EYS: variants seen among roughly 807,000 people sequenced by gnomAD.
The protein encoded by EYS is EGF-like photoreceptor maintenance factor.
Under a neutral mutation model 282.1 loss-of-function variants are expected in EYS, and 250 were observed. The ratio of observed to expected loss-of-function variants is 0.89; its 90% CI spans 0.80 to 0.98. The LOEUF is 0.98. Among genes scored for constraint, EYS ranks in the 50% least tolerant of loss-of-function variants. The pLI is 0.00. For synonymous variants in EYS, 1,355 were observed against 1,282.9 expected, an observed-to-expected ratio of 1.06 and a Z score of -1.20; for missense variants, 4,016 against 3,709.0, an observed-to-expected ratio of 1.08 and a Z score of -2.15.
At chr6:64,604,090 G>A (rs1422812246) in intron 24 of EYS, among the ~76,000 whole-genome samples, 8 of 151,394 alleles carry the variant, frequency 5.3e-5, no homozygotes, top group South Asian at 2.1e-4. Flanking sequence ...TATGTGCTTC[G>A]CTCTCTGTAT....
Position 65,495,458 on chromosome 6 carries a change from A to G in EYS, c.-48T>C, listed in dbSNP as rs766102190. 1.3e-6 allele frequency: 2 copies of G among 1,591,758 alleles called. No homozygotes were observed. The highest frequency in any genetic ancestry group is 4.5e-5 in the East Asian group (2 of 44,740). On this transcript the variant is annotated 5_prime_UTR_variant, in exon 4 of 43. Transcript: ENST00000503581. ...GTTTATCATAAAGAATTGCTGCAAA[A>G]TGGTGTTTTAAGTATTACCGGAAAT...
At chr6:64,237,594 C>G (rs886235094) in intron 30 of EYS, among the ~76,000 whole-genome samples, 1 of 151,960 alleles carries the variant, frequency 6.6e-6, no homozygotes, top group African/African-American at 2.4e-5. Context: ...AGGAATAAAT[C>G]CAGAAAATAA....
intron 29 of EYS, among the ~76,000 whole-genome samples, chr6:64,333,612 G>T (rs1306897646): frequency 4.6e-5 from 7 of 152,116 alleles, no homozygotes; most frequent in Admixed American, 3.3e-4. Context: ...TGCCTTTCTG[G>T]ACTAAAATGG....
intron 30 of EYS, among the ~76,000 whole-genome samples, chr6:64,241,591 AT>A (rs1284395486): frequency 6.8e-6 from 1 of 147,244 alleles, no homozygotes; most frequent in East Asian, 1.9e-4. Flanking sequence ...TTTTTATTGT[AT>A]CTATCTATTT....
chr6:63,762,711 A>G, intron 40 of EYS, 78 bp from the exon 41 acceptor site: 1 of 1,323,930 alleles, frequency 7.6e-7, no homozygotes, highest in East Asian at 2.6e-5. Flanking sequence ...CCTGATGCTA[A>G]CTTGTCAATT....
At chr6:65,641,619 A>G (rs1002344127) in intron 1 of EYS, among the ~76,000 whole-genome samples, 3 of 152,230 alleles carry the variant, frequency 2.0e-5, no homozygotes, top group Non-Finnish European at 1.5e-5. Flanking sequence ...TAGTGCTCAC[A>G]TGGTTGAACT....
chr6:64,375,362 T>C (rs1005377305), intron 29 of EYS, among the ~76,000 whole-genome samples: 1 of 152,224 alleles, frequency 6.6e-6, no homozygotes, highest in Non-Finnish European at 1.5e-5. Context: ...CAGAATGTCA[T>C]ATGTTAGCCT....
At chr6:65,577,742 G>A in intron 2 of EYS, among the ~76,000 whole-genome samples, 1 of 102,010 alleles carries the variant, frequency 9.8e-6, no homozygotes, top group African/African-American at 3.7e-5. Flanking sequence ...AATAATAAAA[G>A]CCTGTTTTAA....
intron 31 of EYS, among the ~76,000 whole-genome samples, chr6:64,131,707 A>G (rs1773985973): frequency 6.6e-6 from 1 of 152,206 alleles, no homozygotes; most frequent in Non-Finnish European, 1.5e-5. Flanking sequence ...GTAGTCGCTT[A>G]CATTCAGTGC....
intron 40 of EYS, among the ~76,000 whole-genome samples, chr6:63,764,315 GACAA>G (rs1049640838): frequency 2.0e-4 from 30 of 151,794 alleles, no homozygotes; most frequent in African/African-American, 6.8e-4. Flanking sequence ...CTAAAATGGA[GACAA>G]ACAAAATACA....
At chr6:64,344,755 A>T (rs1316623756) in intron 29 of EYS, among the ~76,000 whole-genome samples, 4 of 152,116 alleles carry the variant, frequency 2.6e-5, no homozygotes, top group African/African-American at 9.7e-5. Flanking sequence ...GAGGAAGTCA[A>T]ATTGTCCCTA....
chr6:65,222,386 A>T (rs1302885345), intron 12 of EYS, among the ~76,000 whole-genome samples: 1 of 152,084 alleles, frequency 6.6e-6, no homozygotes, highest in Non-Finnish European at 1.5e-5. Flanking sequence ...ATGAGAACTG[A>T]TGGTTTTATA....
chr6:65,499,296 A>T (rs967608537), intron 2 of EYS, among the ~76,000 whole-genome samples: 1 of 152,070 alleles, frequency 6.6e-6, no homozygotes, highest in Non-Finnish European at 1.5e-5. Flanking sequence ...AAGCCAAAAA[A>T]TAATTTGAAT....
chr6:64,175,982 T>C (rs543821827), intron 31 of EYS, among the ~76,000 whole-genome samples: 23 of 152,134 alleles, frequency 1.5e-4, no homozygotes, highest in Non-Finnish European at 3.2e-4. Flanking sequence ...TGGGAACAAT[T>C]GAGCAGGTAA....
At chr6:65,564,087 G>A (rs1769170970) in intron 2 of EYS, among the ~76,000 whole-genome samples, 1 of 152,028 alleles carries the variant, frequency 6.6e-6, no homozygotes, top group Non-Finnish European at 1.5e-5. Flanking sequence ...ACCGCTTCAG[G>A]GAGAACTACA....
intron 22 of EYS, among the ~76,000 whole-genome samples, chr6:64,644,055 A>G (rs1278331879): frequency 6.6e-5 from 10 of 152,190 alleles, no homozygotes; most frequent in Non-Finnish European, 1.2e-4. Context: ...AGTGGTATCA[A>G]TTAAGTTTTC....
At chr6:64,895,665 T>C (rs935976469) in intron 18 of EYS, among the ~76,000 whole-genome samples, 1 of 152,202 alleles carries the variant, frequency 6.6e-6, no homozygotes, top group Non-Finnish European at 1.5e-5. Flanking sequence ...AAACGTGATC[T>C]GCAACCAAGA....
chr6:64,073,646 A>G (rs1771667512), intron 32 of EYS, among the ~76,000 whole-genome samples: 1 of 151,840 alleles, frequency 6.6e-6, no homozygotes, highest in African/African-American at 2.4e-5. Flanking sequence ...ATTCTTAGAT[A>G]AATGTATGTA....
intron 7 of EYS, among the ~76,000 whole-genome samples, chr6:65,392,725 G>C (rs1251511475): frequency 6.6e-6 from 1 of 151,742 alleles, no homozygotes; most frequent in East Asian, 1.9e-4. Context: ...CTGTTGGTGG[G>C]ACTGTAAACT....
Sources: gnomAD v4.1 joint callset for allele counts (sites outside exome capture counted in the v4.1 genomes callset) on GRCh38, gnomAD v4.1.1 for gene constraint, MANE v1.5 for transcripts, NCBI Gene and HGNC (gene_info 2026-07-23, HGNC 2026-07-21) for gene names.